FSCN3: variants seen among roughly 807,000 people sequenced by gnomAD.
FSCN3 encodes the protein fascin actin-bundling protein 3, also known as fascin-3.
Under a neutral mutation model 53.5 loss-of-function variants are expected in FSCN3, and 43 were observed. The observed-to-expected ratio is 0.80, with a 90% CI of 0.63 to 1.04. FSCN3 has a LOEUF of 1.04. Among genes scored for constraint, FSCN3 ranks in the 50% least tolerant of loss-of-function variants. The probability of loss-of-function intolerance (pLI) is 0.00; values close to 1 mark genes in which losing one functional copy is unlikely to be tolerated. For synonymous variants in FSCN3, 235 were observed against 246.6 expected, an observed-to-expected ratio of 0.95 and a Z score of 0.44; for missense variants, 594 against 646.5, an observed-to-expected ratio of 0.92 and a Z score of 0.88.
chr7:127,595,760 T>C lies in FSCN3; in HGVS notation c.598T>C (p.Ser200Pro). ...GGAGACCTCTACACACCACTTCTTG[T>C]CCCATGTAGACCGGCTGTTCTCCCA... is the stretch of plus-strand genomic sequence containing the variant. ...HLETSTHHFL[S>P]HVDRLFSQPS... Residue 200 changes from serine (S) to proline (P), a missense_variant, in exon 2 of 7, where the codon TCC (serine) becomes CCC (proline). By Grantham distance (74) the Ser-to-Pro change is moderately conservative (BLOSUM62 -1). Coordinates refer to ENST00000265825, the MANE Select transcript of FSCN3 (RefSeq NM_020369.3). 1 of 1,614,000 alleles carries C rather than the reference T, an allele frequency of 6.2e-7. No homozygotes were observed. The highest frequency in any genetic ancestry group is 8.5e-7 in the Non-Finnish European group (1 of 1,179,870).
intron 1 of FSCN3, 78 bp downstream of exon 1, chr7:127,594,075 T>TGTGC: frequency 1.4e-6 from 2 of 1,479,216 alleles, no homozygotes; most frequent in African/African-American, 2.8e-5. Context: ...CGCGCGTGTG[T>TGTGC]GTGCGTGAGT....
chr7:127,599,238 A>G (rs1486923826), intron 4 of FSCN3, 143 bp from the exon 5 acceptor site: 9 of 677,958 alleles, frequency 1.3e-5, no homozygotes, highest in South Asian at 9.0e-5. Flanking sequence ...AGCACCTAGC[A>G]TAAGACCTGA....
At position 127,595,870 on chromosome 7, in the gene FSCN3, T is replaced by C. The variant is rs1482352293; in HGVS notation, c.708T>C (p.Tyr236=). 6.2e-7 allele frequency: 1 copy of C among 1,613,814 alleles called. No homozygotes were observed. The highest frequency in any genetic ancestry group is 2.2e-5 in the East Asian group (1 of 44,880). Residue 236 remains tyrosine, a synonymous_variant, in exon 2 of 7, where the codon TAT becomes TAC. Transcript: ENST00000265825. ...GTGATGGAGAAGGAGGCATGTTATA[T>C]CCACAGGGCACGCATCTGCTCTTGG... is the stretch of plus-strand genomic sequence containing the variant. ...ALCDGEGGML[Y]PQGTHLLLGM...
At chr7:127,594,726 T>C in intron 1 of FSCN3, 1 of 471,262 alleles carries the variant, frequency 2.1e-6, no homozygotes. Context: ...TGTAGGCACC[T>C]CTGGGATGGG....
At chr7:127,599,605 C>T in intron 5 of FSCN3, 54 bp downstream of exon 5, 2 of 1,547,370 alleles carry the variant, frequency 1.3e-6, no homozygotes, top group Admixed American at 1.8e-5. Flanking sequence ...CCTGCCTTAG[C>T]CCCAGCTCAG....
In FSCN3 at chr7:127,599,557, T is replaced by C; in HGVS notation, c.1291+6T>C. ...GGGTATCTACCACTTCCAGGGTGAG[T>C]GGCTCCTCTTCCCTGCCCAAGGGTT... is the stretch of plus-strand genomic sequence containing the variant. On this transcript the variant is annotated splice_donor_region_variant and intron_variant, in intron 5 of 6. Coordinates refer to ENST00000265825, the MANE Select transcript of FSCN3 (RefSeq NM_020369.3). 1 of 1,613,238 alleles carries C rather than the reference T, an allele frequency of 6.2e-7. No homozygotes were observed. The highest frequency in any genetic ancestry group is 1.1e-5 in the South Asian group (1 of 91,024).
In FSCN3 at chr7:127,596,481, A is replaced by G. The variant is rs766627618; in HGVS notation, c.960+35A>G. On this transcript the variant is annotated intron_variant, in intron 3 of 6. Coordinates refer to ENST00000265825, the MANE Select transcript of FSCN3 (RefSeq NM_020369.3). ...TGGCTTCCTGAGCAAGAGAAACCTT[A>G]AGCTCTGAGCTCTCCCTCCCTAGAC... The G allele has an allele frequency of 4.1e-5, 41 of 1,003,988 alleles. No homozygotes were observed. In the Admixed American group the frequency reaches 7.1e-4, roughly 17 times the overall value. The allele number at this position is 1,003,988 out of a possible 1,614,324, so 62.2% of individuals were successfully genotyped here. A position where few individuals can be genotyped will look rare whatever the true frequency, so the allele number is the denominator to read the frequency against.
intron 3 of FSCN3, 95 bp downstream of exon 3, chr7:127,596,541 A>G: frequency 3.3e-6 from 2 of 611,840 alleles, no homozygotes; most frequent in African/African-American, 1.8e-5. Flanking sequence ...TGATGAGAGG[A>G]TGATGTGGGC....
chr7:127,597,597 A>G (rs1159878863), intron 3 of FSCN3, among the ~76,000 whole-genome samples: 1 of 150,296 alleles, frequency 6.7e-6, no homozygotes, highest in African/African-American at 2.5e-5. Flanking sequence ...TCCTACCTCA[A>G]CCTCCCAAGT....
intron 3 of FSCN3, among the ~76,000 whole-genome samples, chr7:127,597,332 G>A (rs1209136894): frequency 1.3e-5 from 2 of 152,132 alleles, no homozygotes; most frequent in African/African-American, 2.4e-5. Flanking sequence ...TTACATTCTT[G>A]TCAATAACGT....
Position 127,595,428 on chromosome 7 carries a change from C to T in FSCN3, c.266C>T (p.Thr89Ile). 6.2e-7 allele frequency: 1 copy of T among 1,614,156 alleles called. No homozygotes were observed. Among genetic ancestry groups the T allele is most frequent in the South Asian group, 1.1e-5 (1 of 91,080 alleles). ...ACCGTGTGTTATGGCCGCCCAAGGA[C>T]CAGCCACCATGGGTGCTTTCTACTG... ...DGTVCYGRPRTSHHGCFLLRF... is the reference protein window; with the variant it reads ...DGTVCYGRPRISHHGCFLLRF... The change falls in exon 2 of 7, where the codon ACC becomes ATC. Residue 89 changes from threonine (T) to isoleucine (I), a missense_variant. Thr to Ile is a moderately conservative substitution (Grantham distance 89, BLOSUM62 -1). Coordinates refer to ENST00000265825, the MANE Select transcript of FSCN3 (RefSeq NM_020369.3).
At chr7:127,601,164 C>A (rs1177948358) in intron 6 of FSCN3, among the ~76,000 whole-genome samples, 2 of 152,252 alleles carry the variant, frequency 1.3e-5, no homozygotes, top group Non-Finnish European at 2.9e-5. Context: ...ACCATTGCCA[C>A]CACTTGGCTC....
chr7:127,595,967 A>C lies in FSCN3; in HGVS notation c.805A>C (p.Arg269=), dbSNP rs1794382066. Residue 269 remains arginine, a synonymous_variant, in exon 2 of 7, where the codon AGG becomes CGG. Transcript: ENST00000265825. The part of the protein sequence containing the change: ...LQHCPTWVSL[R]SKTGRFISVI... ...GCACTGCCCAACCTGGGTCAGCCTC[A>C]GGTCAAAGACTGGGCGGTTCATCTC... 1 of 1,577,290 alleles carries C rather than the reference A, an allele frequency of 6.3e-7. No homozygotes were observed. The highest frequency in any genetic ancestry group is 8.6e-7 in the Non-Finnish European group (1 of 1,160,304).
Position 127,593,911 on chromosome 7 carries a change from C to T in FSCN3, c.58C>T (p.Leu20Phe), listed in dbSNP as rs1277859291. 6.2e-7 allele frequency: 1 copy of T among 1,600,820 alleles called. No individual in the cohort carries two copies. The highest frequency in any genetic ancestry group is 8.5e-7 in the Non-Finnish European group (1 of 1,173,608). ...CAAGGCTGAGGACCTAAGGGTTGGG[C>T]TCATCAGCTGGGCAGGAACCTACCT... is the stretch of plus-strand genomic sequence containing the variant. ...HPKAEDLRVGLISWAGTYLTF... is the reference protein window; with the variant it reads ...HPKAEDLRVGFISWAGTYLTF... The change falls in exon 1 of 7, where the codon CTC (leucine) becomes TTC (phenylalanine). Residue 20 changes from leucine to phenylalanine, a missense_variant. Leu to Phe is a conservative substitution (Grantham distance 22, BLOSUM62 0). Transcript: ENST00000265825.
chr7:127,596,271 A>G, intron 2 of FSCN3, 57 bp from the exon 3 acceptor site: 1 of 1,545,286 alleles, frequency 6.5e-7, no homozygotes, highest in Non-Finnish European at 8.9e-7. Context: ...GTCATAAAAC[A>G]TGGAGGAGGG....
rs542438093 is a variant in FSCN3 at position 127,593,748 on chromosome 7, A to G, written c.-106A>G. The G allele has an allele frequency of 2.3e-6, 3 of 1,281,754 alleles. No individual in the cohort carries two copies. In the Admixed American group the frequency reaches 7.6e-5, roughly 33 times the overall value. The allele number at this position is 1,281,754 out of a possible 1,614,324, so 79.4% of individuals were successfully genotyped here. On this transcript the variant is annotated 5_prime_UTR_variant, in exon 1 of 7. Coordinates refer to ENST00000265825, the MANE Select transcript of FSCN3 (RefSeq NM_020369.3). ...TGCCTGGGAAGTTCTCTCTGGGAACATCTGGTGGGTACTACAGGCCCTATT... is the reference window on the plus strand; with the variant it reads ...TGCCTGGGAAGTTCTCTCTGGGAACGTCTGGTGGGTACTACAGGCCCTATT...
In FSCN3 at chr7:127,600,242, C is replaced by T; in HGVS notation, c.1340C>T (p.Pro447Leu). The T allele has an allele frequency of 6.2e-7, 1 of 1,611,452 alleles. No individual in the cohort carries two copies. Among genetic ancestry groups the T allele is most frequent in the Non-Finnish European group, 8.5e-7 (1 of 1,177,492 alleles). Reference protein sequence around the residue: ...WSITSFGTFRPWGKFALNFCI... With the variant: ...WSITSFGTFRLWGKFALNFCI... Reference sequence around the variant, plus strand: ...ATAACATCCTTTGGCACCTTTCGCCCTTGGGGCAAGTTTGCCCTCAACTTC... The same window carrying T: ...ATAACATCCTTTGGCACCTTTCGCCTTTGGGGCAAGTTTGCCCTCAACTTC... The change falls in exon 6 of 7, where the codon CCT becomes CTT. Residue 447 changes from proline (P) to leucine (L), a missense_variant. Physicochemically the swap from Pro to Leu is moderately conservative, Grantham distance 98. Coordinates refer to ENST00000265825, the MANE Select transcript of FSCN3 (RefSeq NM_020369.3).
At chr7:127,595,171 C>A (rs1794366660) in intron 1 of FSCN3, 136 bp from the exon 2 acceptor site, 4 of 690,292 alleles carry the variant, frequency 5.8e-6, no homozygotes, top group Non-Finnish European at 9.7e-6. Context: ...AAGGAGATAC[C>A]AGGGCTGATG....
intron 2 of FSCN3, 100 bp downstream of exon 2, chr7:127,596,103 A>C (rs1384200206): frequency 2.0e-6 from 3 of 1,484,502 alleles, no homozygotes; most frequent in Non-Finnish European, 2.7e-6. Context: ...TCTGCTAATA[A>C]GGAAGATCCT....
Sources: gnomAD v4.1 joint callset for allele counts (sites outside exome capture counted in the v4.1 genomes callset) on GRCh38, gnomAD v4.1.1 for gene constraint, MANE v1.5 for transcripts, NCBI Gene and HGNC (gene_info 2026-07-23, HGNC 2026-07-21) for gene names.